The following TRANK1 variants were observed in gnomAD, a reference collection of about 807,000 sequenced individuals.
The protein encoded by TRANK1 is tetratricopeptide repeat and ankyrin repeat containing 1.
TRANK1 carries 198 observed loss-of-function variants against 266.0 expected under a neutral mutation model. The ratio of observed to expected loss-of-function variants is 0.74; its 90% CI spans 0.66 to 0.84. The LOEUF is 0.84. TRANK1 is among the 40% of genes least tolerant of loss of function. The pLI is 0.00. For synonymous variants in TRANK1, 1,396 were observed against 1,384.1 expected (o/e 1.01, Z -0.19); for missense variants, 3,326 against 3,634.6 (o/e 0.92, Z 2.18).
rs188777143 is a variant in TRANK1 at position 36,865,324 on chromosome 3, C to G, written c.1079-844G>C. ...TACAGGCGTGAGCCATCACACCCAG[C>G]ATGCTTCTTGTTTTAAGCCACGAAA... On this transcript the variant is annotated intron_variant, in intron 9 of 23. Transcript: ENST00000645898. 2.2e-3 allele frequency among the ~76,000 whole-genome samples: 333 copies of G among 152,312 alleles called. 2 individuals carry two copies. The highest frequency in any genetic ancestry group is 7.3e-3 in the African/African-American group (304 of 41,560).
At chr3:36,830,527 C>T (rs1467572284) in intron 22 of TRANK1, among the ~76,000 whole-genome samples, 1 of 152,116 alleles carries the variant, frequency 6.6e-6, no homozygotes, top group African/African-American at 2.4e-5. Context: ...TGTATCTTCT[C>T]CACAGAAGAT....
At chr3:36,919,131 G>A (rs1230697327) in intron 1 of TRANK1, among the ~76,000 whole-genome samples, 1 of 152,122 alleles carries the variant, frequency 6.6e-6, no homozygotes, top group Non-Finnish European at 1.5e-5. Context: ...TTATCTTGAT[G>A]GGCCCAATTT....
Position 36,832,049 on chromosome 3 carries a change from G to A in TRANK1, c.7534C>T (p.Pro2512Ser), listed in dbSNP as rs2078702707. The change falls in exon 22 of 24, where the codon CCC becomes TCC. Residue 2512 changes from proline to serine, a missense_variant. By Grantham distance (74) the Pro-to-Ser change is moderately conservative (BLOSUM62 -1). Transcript: ENST00000645898. ...TGAATGGCTCTTGTCACGTCCTTGGGTTTGTATTCCTGAATGATGGAGAAC... is the reference window on the plus strand; with the variant it reads ...TGAATGGCTCTTGTCACGTCCTTGGATTTGTATTCCTGAATGATGGAGAAC... ...DVFSIIQEYK[P>S]KDVTRAIQDF... 6.2e-7 allele frequency: 1 copy of A among 1,614,044 alleles called. No homozygotes were observed. The highest frequency in any genetic ancestry group is 1.7e-5 in the Admixed American group (1 of 60,030).
chr3:36,855,849 A>G lies in TRANK1; in HGVS notation c.3873T>C (p.Asp1291=). The G allele has an allele frequency of 6.2e-7, 1 of 1,613,426 alleles. No homozygotes were observed. The highest frequency in any genetic ancestry group is 2.2e-5 in the East Asian group (1 of 44,834). The part of the protein sequence containing the change: ...EESTIPSWQE[D]EEEAEVDGDY... The stretch of plus-strand genomic sequence containing the variant: ...CCCCATCCACCTCAGCCTCCTCTTC[A>G]TCCTCTTGCCAACTAGGAATGGTTG... The change falls in exon 13 of 24, where the codon GAT becomes GAC. Residue 1291 remains aspartate, a synonymous_variant. Coordinates refer to ENST00000645898, the MANE Select transcript of TRANK1 (RefSeq NM_001329998.2).
rs1391728680 is a variant in TRANK1, at chr3:36,855,959, C to A, written c.3763G>T (p.Ala1255Ser). The A allele has an allele frequency of 1.2e-6, 2 of 1,613,404 alleles. No homozygotes were observed. The highest frequency in any genetic ancestry group is 2.7e-5 in the African/African-American group (2 of 74,728). The change falls in exon 13 of 24, where the codon GCT becomes TCT. Residue 1255 changes from alanine to serine, a missense_variant. By Grantham distance (99) the Ala-to-Ser change is moderately conservative. Coordinates refer to ENST00000645898, the MANE Select transcript of TRANK1 (RefSeq NM_001329998.2). ...TSKQLLLLLD[A>S]SLPKPFFLRN... ...AGAAAAAATGGTTTGGGCAGAGAAG[C>A]ATCAAGCAGAAGAAGCAGCTGCTTG...
At chr3:36,846,467 T>C in intron 16 of TRANK1, 63 bp from the exon 17 acceptor site, 2 of 1,517,042 alleles carry the variant, frequency 1.3e-6, no homozygotes. Context: ...AGTGACACAC[T>C]TCAATGGGCT....
Position 36,846,538 on chromosome 3 carries a change from C to A in TRANK1, c.5035-134G>T, listed in dbSNP as rs1004842720. Reference sequence around the variant, plus strand: ...TAGAGAAGCATAGCACAGCTGAGAACAGGATACCAGGAGCTCACTGTGGCC... The same window carrying A: ...TAGAGAAGCATAGCACAGCTGAGAAAAGGATACCAGGAGCTCACTGTGGCC... On this transcript the variant is annotated intron_variant, in intron 16 of 23. Transcript: ENST00000645898. The A allele has an allele frequency of 7.3e-5, 58 of 798,928 alleles. 1 individual carries two copies. In the African/African-American group the frequency reaches 9.0e-4, roughly 12 times the overall value. 49.5% of individuals were successfully genotyped at this position (798,928 alleles called of 1,614,324 possible). A position where few individuals can be genotyped will look rare whatever the true frequency, so the allele number is the denominator to read the frequency against.
At chr3:36,898,774 C>T (rs1216283015) in intron 4 of TRANK1, among the ~76,000 whole-genome samples, 1 of 151,634 alleles carries the variant, frequency 6.6e-6, no homozygotes, top group Non-Finnish European at 1.5e-5. Flanking sequence ...TCACTTGAAC[C>T]CGGGAGGCAG....
At chr3:36,829,731 A>T in intron 22 of TRANK1, 69 bp from the exon 23 acceptor site, 1 of 1,505,164 alleles carries the variant, frequency 6.6e-7, no homozygotes, top group Non-Finnish European at 9.2e-7. Flanking sequence ...CAATTACTAG[A>T]CCCAGAGTCC....
rs2078931408 is a variant in TRANK1 at position 36,847,472 on chromosome 3, A to C, written c.4888-126T>G. The C allele has an allele frequency of 4.3e-6, 4 of 932,986 alleles. No individual in the cohort carries two copies. In the African/African-American group the frequency reaches 6.7e-5, roughly 16 times the overall value. 57.8% of individuals were successfully genotyped at this position (932,986 alleles called of 1,614,324 possible). A position where few individuals can be genotyped will look rare whatever the true frequency, so the allele number is the denominator to read the frequency against. ...AGGCCTTCAACCCCAACTTTGAGAA[A>C]GATCCATCCTGTGATCTTAGAATGG... On this transcript the variant is annotated intron_variant, in intron 15 of 23. Coordinates refer to ENST00000645898, the MANE Select transcript of TRANK1 (RefSeq NM_001329998.2).
chr3:36,911,981 G>A (rs1055024796), intron 1 of TRANK1, among the ~76,000 whole-genome samples: 1 of 152,162 alleles, frequency 6.6e-6, no homozygotes, highest in Non-Finnish European at 1.5e-5. Context: ...GAGGTCAGGA[G>A]TTCGAGACCA....
chr3:36,833,326 C>T lies in TRANK1; in HGVS notation c.6257G>A (p.Gly2086Glu). The change falls in exon 22 of 24, where the codon GGG (glycine) becomes GAG (glutamate). Residue 2086 changes from glycine to glutamate, a missense_variant. Coordinates refer to ENST00000645898, the MANE Select transcript of TRANK1 (RefSeq NM_001329998.2). ...CAGACTGAGGAGGATTTCCAAGCCC[C>T]CTGGAGCCAGGCCCAGAATCTTCTC... is the stretch of plus-strand genomic sequence containing the variant. Reference protein sequence around the residue: ...EPEKILGLAPGGLEILLSLVR... With the variant: ...EPEKILGLAPEGLEILLSLVR... 6.2e-7 allele frequency: 1 copy of T among 1,614,004 alleles called. No homozygotes were observed. The highest frequency in any genetic ancestry group is 1.1e-5 in the South Asian group (1 of 91,074).
chr3:36,881,702 G>A (rs1202796979), intron 8 of TRANK1, among the ~76,000 whole-genome samples: 2 of 152,106 alleles, frequency 1.3e-5, no homozygotes, highest in Non-Finnish European at 2.9e-5. Context: ...TCCAATTCCA[G>A]AACATTTTCA....
chr3:36,861,769 G>A lies in TRANK1; in HGVS notation c.1241-609C>T, dbSNP rs1395473825. 2.7e-5 allele frequency among the ~76,000 whole-genome samples: 4 copies of A among 148,746 alleles called. No individual in the cohort carries two copies. The East Asian group carries it at 7.9e-4, about 29-fold the overall frequency. On this transcript the variant is annotated intron_variant, in intron 10 of 23. Coordinates refer to ENST00000645898, the MANE Select transcript of TRANK1 (RefSeq NM_001329998.2). Reference sequence around the variant, plus strand: ...CGCCCAGGCTGGAATACAGTGGCGCGATCTCGGCTCACTGCAAGCTCCACC... The same window carrying A: ...CGCCCAGGCTGGAATACAGTGGCGCAATCTCGGCTCACTGCAAGCTCCACC...
intron 1 of TRANK1, among the ~76,000 whole-genome samples, chr3:36,939,923 C>T (rs1170522576): frequency 6.6e-6 from 1 of 151,454 alleles, no homozygotes; most frequent in Non-Finnish European, 1.5e-5. Context: ...CGGAGTCTTG[C>T]TTTGTAGCCC....
At chr3:36,936,725 G>A (rs547387791) in intron 1 of TRANK1, among the ~76,000 whole-genome samples, 66 of 152,280 alleles carry the variant, frequency 4.3e-4, no homozygotes, top group African/African-American at 1.4e-3. Flanking sequence ...CATGGACAGC[G>A]TGCAGATGAG....
At chr3:36,861,245 T>A in intron 10 of TRANK1, 85 bp from the exon 11 acceptor site, 1 of 1,424,634 alleles carries the variant, frequency 7.0e-7, no homozygotes, top group East Asian at 2.5e-5. Flanking sequence ...CATCCATATA[T>A]AATTAACACG....
chr3:36,835,338 A>G (rs1378243635), intron 20 of TRANK1, among the ~76,000 whole-genome samples: 2 of 151,080 alleles, frequency 1.3e-5, no homozygotes, highest in Admixed American at 1.3e-4. Context: ...AAAAAAAAAA[A>G]AAAAAAACCC....
chr3:36,832,555 T>G lies in TRANK1; in HGVS notation c.7028A>C (p.Tyr2343Ser). 2 of 1,613,828 alleles carry G rather than the reference T, an allele frequency of 1.2e-6. No homozygotes were observed. Among genetic ancestry groups the G allele is most frequent in the East Asian group, 4.5e-5 (2 of 44,870 alleles). Residue 2343 changes from tyrosine to serine, a missense_variant, in exon 22 of 24, where the codon TAC becomes TCC. Tyr to Ser is a moderately radical substitution (Grantham distance 144). Coordinates refer to ENST00000645898, the MANE Select transcript of TRANK1 (RefSeq NM_001329998.2). ...GAGCAGCTTTTCAAACTCCTCCGGG[T>G]AGTTGGAAGAGAGAAGGAAAGCTTG... ...AMQAFLLSSN[Y>S]PEEFEKLLHQ...
Sources: gnomAD v4.1 joint callset for allele counts (sites outside exome capture counted in the v4.1 genomes callset) on GRCh38, gnomAD v4.1.1 for gene constraint, MANE v1.5 for transcripts, NCBI Gene and HGNC (gene_info 2026-07-23, HGNC 2026-07-21) for gene names.